Variants in CCDC39 observed in about 807,000 individuals in gnomAD.
CCDC39 encodes coiled-coil domain 39 molecular ruler complex subunit.
CCDC39 carries 113 observed loss-of-function variants against 121.0 expected under a neutral mutation model. That is an observed-to-expected ratio of 0.93 (90% CI 0.80 to 1.09). The LOEUF is 1.09. Ranked by LOEUF, CCDC39 falls within the 50% of genes least tolerant of loss-of-function variation. The pLI, the probability that CCDC39 is intolerant of heterozygous loss-of-function variation, is 0.00. For synonymous variants in CCDC39, 349 were observed against 352.2 expected, an observed-to-expected ratio of 0.99 and a Z score of 0.10; for missense variants, 1,063 against 1,074.7, an observed-to-expected ratio of 0.99 and a Z score of 0.15.
intron 2 of CCDC39, among the ~76,000 whole-genome samples, chr3:180,663,330 T>G (rs1328959706): frequency 6.6e-6 from 1 of 152,184 alleles, no homozygotes; most frequent in African/African-American, 2.4e-5. Flanking sequence ...CATTGTACCT[T>G]TCTCAAATAA....
chr3:180,618,328 AATC>A (rs1416915360), intron 16 of CCDC39, among the ~76,000 whole-genome samples: 1 of 152,172 alleles, frequency 6.6e-6, no homozygotes, highest in Non-Finnish European at 1.5e-5. Flanking sequence ...TGACAATTGA[AATC>A]ATGGAATCTG....
rs577069249 is a variant in CCDC39 at position 180,650,140 on chromosome 3, T to C, written c.1167+1261A>G. ...AAGAAGTAGAGTCAGGTCACACTTATAGTTCACACTTATAGTTCACTTTGA... is the reference window on the plus strand; with the variant it reads ...AAGAAGTAGAGTCAGGTCACACTTACAGTTCACACTTATAGTTCACTTTGA... On this transcript the variant is annotated intron_variant, in intron 9 of 19. Coordinates refer to ENST00000476379, the MANE Select transcript of CCDC39 (RefSeq NM_181426.2). Among the ~76,000 whole-genome samples the C allele has an allele frequency of 4.7e-4, 71 of 152,296 alleles. No homozygotes were observed. The highest frequency in any genetic ancestry group is 1.7e-3 in the African/African-American group (69 of 41,548).
chr3:180,642,595 CATA>C (rs1039132127), intron 12 of CCDC39, among the ~76,000 whole-genome samples: 1 of 151,914 alleles, frequency 6.6e-6, no homozygotes, highest in Non-Finnish European at 1.5e-5. Flanking sequence ...AGAGTACTGA[CATA>C]AGAGTACACA....
chr3:180,657,379 C>T (rs923537860), intron 6 of CCDC39, among the ~76,000 whole-genome samples: 10 of 152,070 alleles, frequency 6.6e-5, no homozygotes, highest in African/African-American at 2.4e-4. Flanking sequence ...AATCAGCTGA[C>T]CGAGTTACTT....
chr3:180,618,886 C>T (rs2108406010), intron 16 of CCDC39, among the ~76,000 whole-genome samples: 1 of 152,124 alleles, frequency 6.6e-6, no homozygotes, highest in South Asian at 2.1e-4. Context: ...CAGTGATTTG[C>T]CTTAGTAAGT....
At chr3:180,620,578 T>C (rs1046226725) in intron 14 of CCDC39, among the ~76,000 whole-genome samples, 1 of 152,088 alleles carries the variant, frequency 6.6e-6, no homozygotes, top group Middle Eastern at 3.4e-3. Context: ...TCTAGAGCTG[T>C]ACCTAAACAA....
In CCDC39 at chr3:180,654,958, G is replaced by A; in HGVS notation, c.739-5C>T. 1 of 1,496,636 alleles carries A rather than the reference G, an allele frequency of 6.7e-7. No individual in the cohort carries two copies. Among genetic ancestry groups the A allele is most frequent in the South Asian group, 1.4e-5 (1 of 72,122 alleles). The allele number at this position is 1,496,636 out of a possible 1,614,324, so 92.7% of individuals were successfully genotyped here. A position where few individuals can be genotyped will look rare whatever the true frequency, so the allele number is the denominator to read the frequency against. On this transcript the variant is annotated splice_polypyrimidine_tract_variant and splice_region_variant and intron_variant, in intron 6 of 19. Transcript: ENST00000476379. ...CTGCTTTATCCTTGCTAATTCCTAG[G>A]ATTAAAACAAATATGTTTACTTAAA...
chr3:180,654,959 A>G lies in CCDC39; in HGVS notation c.739-6T>C. On this transcript the variant is annotated splice_polypyrimidine_tract_variant and splice_region_variant and intron_variant, in intron 6 of 19. Coordinates refer to ENST00000476379, the MANE Select transcript of CCDC39 (RefSeq NM_181426.2). Reference sequence around the variant, plus strand: ...TGCTTTATCCTTGCTAATTCCTAGGATTAAAACAAATATGTTTACTTAAAT... The same window carrying G: ...TGCTTTATCCTTGCTAATTCCTAGGGTTAAAACAAATATGTTTACTTAAAT... 1 of 1,489,746 alleles carries G rather than the reference A, an allele frequency of 6.7e-7. No homozygotes were observed. The allele number at this position is 1,489,746 out of a possible 1,614,324, so 92.3% of individuals were successfully genotyped here.
intron 9 of CCDC39, among the ~76,000 whole-genome samples, chr3:180,650,507 T>C (rs1560089209): frequency 6.6e-6 from 1 of 152,060 alleles, no homozygotes; most frequent in Non-Finnish European, 1.5e-5. Flanking sequence ...GGCAGGGACA[T>C]AGGTACAGTA....
At chr3:180,642,222 T>A in intron 12 of CCDC39, 21 bp from the exon 13 acceptor site, 1 of 1,460,112 alleles carries the variant, frequency 6.8e-7, no homozygotes, top group Non-Finnish European at 9.2e-7. Context: ...AACAAAATGG[T>A]CAAATATTGA....
At chr3:180,617,388 T>C (rs1264351007) in intron 16 of CCDC39, 1 of 634,024 alleles carries the variant, frequency 1.6e-6, no homozygotes, top group Admixed American at 2.3e-5. Context: ...AGTGTACTCC[T>C]ATTTATTTAA....
At chr3:180,615,359 G>T (rs1204270192) in intron 19 of CCDC39, among the ~76,000 whole-genome samples, 1 of 152,006 alleles carries the variant, frequency 6.6e-6, no homozygotes, top group South Asian at 2.1e-4. Flanking sequence ...TTTAGAGTTG[G>T]AATCATTAAG....
chr3:180,660,431 T>C (rs1306688485), intron 4 of CCDC39, 139 bp downstream of exon 4: 22 of 655,234 alleles, frequency 3.4e-5, no homozygotes. Context: ...CATTTGGCTT[T>C]ATTAGCTTCT....
chr3:180,631,375 A>G (rs535999843), intron 14 of CCDC39, 94 bp downstream of exon 14: 1 of 1,188,604 alleles, frequency 8.4e-7, no homozygotes, highest in Admixed American at 2.1e-5. Context: ...AAGTTGCAAT[A>G]TTGTTGTTTT....
At chr3:180,649,787 A>C (rs1380492637) in intron 9 of CCDC39, among the ~76,000 whole-genome samples, 1 of 152,216 alleles carries the variant, frequency 6.6e-6, no homozygotes, top group African/African-American at 2.4e-5. Context: ...AAATGTCTGA[A>C]GTTTTTAATT....
At chr3:180,674,724 C>T (rs989220196) in intron 1 of CCDC39, among the ~76,000 whole-genome samples, 1 of 152,152 alleles carries the variant, frequency 6.6e-6, no homozygotes. Context: ...TTTTCTGCAT[C>T]TATTGAGATA....
At chr3:180,641,873 T>C (rs1576941504) in intron 13 of CCDC39, 120 bp downstream of exon 13, 1 of 609,994 alleles carries the variant, frequency 1.6e-6, no homozygotes, top group East Asian at 2.8e-5. Context: ...CTTTCTTATA[T>C]GAAAAGCCAT....
In CCDC39 at chr3:180,660,293, A is replaced by G. The variant is rs146400356; in HGVS notation, c.516+277T>C. The stretch of plus-strand genomic sequence containing the variant: ...TTCTGAAATGCTTTTGAGCATCCTT[A>G]TAAATCAGGATATTCTTAACCTGCG... On this transcript the variant is annotated intron_variant, in intron 4 of 19. Coordinates refer to ENST00000476379, the MANE Select transcript of CCDC39 (RefSeq NM_181426.2). 4.2e-3 allele frequency among the ~76,000 whole-genome samples: 640 copies of G among 152,254 alleles called. 8 individuals are homozygous for G. The highest frequency in any genetic ancestry group is 0.013 in the African/African-American group (560 of 41,558).
At chr3:180,620,090 C>T in intron 14 of CCDC39, 120 bp from the exon 15 acceptor site, 1 of 649,100 alleles carries the variant, frequency 1.5e-6, no homozygotes, top group East Asian at 3.0e-5. Context: ...ATCTCATGGC[C>T]TACATATGGC....
Sources: gnomAD v4.1 joint callset for allele counts (sites outside exome capture counted in the v4.1 genomes callset) on GRCh38, gnomAD v4.1.1 for gene constraint, MANE v1.5 for transcripts, NCBI Gene and HGNC (gene_info 2026-07-23, HGNC 2026-07-21) for gene names.